The following EEPD1 variants were observed in gnomAD, a reference collection of about 807,000 sequenced individuals.
The protein encoded by EEPD1 is endonuclease/exonuclease/phosphatase family domain containing 1.
EEPD1 carries 17 observed loss-of-function variants against 46.3 expected under a neutral mutation model. The observed-to-expected ratio is 0.37, with a 90% CI of 0.25 to 0.55. The LOEUF is 0.55. EEPD1 is among the 20% of genes least tolerant of loss of function. The pLI, the probability that EEPD1 is intolerant of heterozygous loss-of-function variation, is 0.83. For synonymous variants in EEPD1, 313 were observed against 315.6 expected (o/e 0.99, Z 0.09); for missense variants, 673 against 745.6 (o/e 0.90, Z 1.13).
rs768898390 is a variant in EEPD1, at chr7:36,272,503, G to GTTTTTT, written c.931-8610_931-8609insTTTTTT. On this transcript the variant is annotated intron_variant, in intron 3 of 7. Transcript: ENST00000242108. ...TGCAAGGTTTTTCTGGTTTTTTGTT[G>GTTTTTT]TTGTTTTTTTTTTTTTTTTGTGCTC... Among the ~76,000 whole-genome samples, 117 of 122,632 alleles carry GTTTTTT rather than the reference G, an allele frequency of 9.5e-4. 1 individual carries two copies. Among genetic ancestry groups the GTTTTTT allele is most frequent in the African/African-American group, 1.8e-3 (56 of 31,766 alleles). The allele number at this position is 122,632 out of a possible 152,430, so 80.5% of individuals were successfully genotyped here. A position where few individuals can be genotyped will look rare whatever the true frequency, so the allele number is the denominator to read the frequency against.
chr7:36,290,011 A>G (rs939064490), intron 6 of EEPD1, among the ~76,000 whole-genome samples: 2 of 152,226 alleles, frequency 1.3e-5, no homozygotes, highest in Non-Finnish European at 2.9e-5. Flanking sequence ...TCCTCAGGCT[A>G]AAAACAGTCA....
chr7:36,242,833 G>A (rs972820372), intron 3 of EEPD1, among the ~76,000 whole-genome samples: 1 of 151,636 alleles, frequency 6.6e-6, no homozygotes, highest in Admixed American at 6.6e-5. Context: ...GGAGGCTGAG[G>A]CAGGAGAATC....
At chr7:36,204,108 C>T (rs1379194129) in intron 2 of EEPD1, among the ~76,000 whole-genome samples, 1 of 150,844 alleles carries the variant, frequency 6.6e-6, no homozygotes, top group Non-Finnish European at 1.5e-5. Flanking sequence ...GATCACAGTT[C>T]ACTGCAGCCT....
chr7:36,249,932 T>C (rs1430872899), intron 3 of EEPD1, among the ~76,000 whole-genome samples: 2 of 152,148 alleles, frequency 1.3e-5, no homozygotes, highest in Non-Finnish European at 2.9e-5. Flanking sequence ...CAAAAAAATA[T>C]TTAAGGCCAG....
chr7:36,232,352 C>T lies in EEPD1; in HGVS notation c.879-6633C>T, dbSNP rs1212381634. ...CCCGAGTAGCTGGGACTGCAGGCGC[C>T]CACCACCAGGCCCAGCTAATTTTTT... On this transcript the variant is annotated intron_variant, in intron 2 of 7. Transcript: ENST00000242108. Among the ~76,000 whole-genome samples the T allele has an allele frequency of 4.6e-5, 7 of 151,800 alleles. No homozygotes were observed. In the South Asian group the frequency reaches 6.3e-4, roughly 14 times the overall value.
chr7:36,291,725 G>A (rs916330687), intron 6 of EEPD1, among the ~76,000 whole-genome samples: 5 of 152,156 alleles, frequency 3.3e-5, no homozygotes, highest in South Asian at 2.1e-4. Context: ...AAGCACACCC[G>A]TGGCCAGGAA....
chr7:36,212,246 TAAGA>T (rs1229789597), intron 2 of EEPD1, among the ~76,000 whole-genome samples: 1 of 152,154 alleles, frequency 6.6e-6, no homozygotes, highest in African/African-American at 2.4e-5. Flanking sequence ...GGGACTGTGT[TAAGA>T]AAGATACATT....
At chr7:36,218,110 T>A (rs1427170999) in intron 2 of EEPD1, among the ~76,000 whole-genome samples, 5 of 152,174 alleles carry the variant, frequency 3.3e-5, no homozygotes, top group Admixed American at 3.3e-4. Context: ...ATACTCTGAT[T>A]GTTATTAAGA....
At chr7:36,294,156 C>T (rs1787488462) in intron 6 of EEPD1, among the ~76,000 whole-genome samples, 1 of 152,118 alleles carries the variant, frequency 6.6e-6, no homozygotes, top group African/African-American at 2.4e-5. Context: ...GAACAGCCTT[C>T]TCCTCCTGCC....
rs34007011 is a variant in EEPD1, at chr7:36,173,325, TAA to T, written c.878+18145_878+18146del. 1.2e-3 allele frequency among the ~76,000 whole-genome samples: 129 copies of T among 103,600 alleles called. 2 individuals are homozygous for T. Among genetic ancestry groups the T allele is most frequent in the Non-Finnish European group, 6.3e-4 (35 of 55,320 alleles). 68.0% of individuals were successfully genotyped at this position (103,600 alleles called of 152,430 possible). A position where few individuals can be genotyped will look rare whatever the true frequency, so the allele number is the denominator to read the frequency against. On this transcript the variant is annotated intron_variant, in intron 2 of 7. Coordinates refer to ENST00000242108, the MANE Select transcript of EEPD1 (RefSeq NM_030636.3). ...AACATGGTGAAAGCCCGTTTATACT[TAA>T]AAAAAAAAAAAAAAAAAAAAACTTA...
intron 3 of EEPD1, among the ~76,000 whole-genome samples, chr7:36,274,265 T>A (rs1445888969): frequency 6.6e-6 from 1 of 152,162 alleles, no homozygotes; most frequent in Non-Finnish European, 1.5e-5. Flanking sequence ...TTACATCCAG[T>A]GTGTGAGCTC....
intron 2 of EEPD1, among the ~76,000 whole-genome samples, chr7:36,201,812 T>C (rs1250374729): frequency 6.6e-6 from 1 of 152,164 alleles, no homozygotes; most frequent in Non-Finnish European, 1.5e-5. Context: ...AAATCTGAGA[T>C]GAGAAACTTT....
At chr7:36,164,431 C>T (rs1784948500) in intron 2 of EEPD1, among the ~76,000 whole-genome samples, 2 of 152,214 alleles carry the variant, frequency 1.3e-5, no homozygotes, top group Admixed American at 1.3e-4. Flanking sequence ...GTACTCATTG[C>T]ACCATGGGCA....
chr7:36,248,319 C>A (rs550126913), intron 3 of EEPD1, among the ~76,000 whole-genome samples: 2 of 151,776 alleles, frequency 1.3e-5, no homozygotes, highest in Non-Finnish European at 2.9e-5. Flanking sequence ...ATTTTACCCC[C>A]CTCAGCCTCC....
rs1787117481 is a variant in EEPD1 at position 36,272,176 on chromosome 7, C to T, written c.931-8939C>T. On this transcript the variant is annotated intron_variant, in intron 3 of 7. Coordinates refer to ENST00000242108, the MANE Select transcript of EEPD1 (RefSeq NM_030636.3). ...AGGATTACAGGCATGAACCACCACC[C>T]CCTGCCATTAATTTAAAGATAAAAA... Among the ~76,000 whole-genome samples, 3 of 143,148 alleles carry T rather than the reference C, an allele frequency of 2.1e-5. No individual in the cohort carries two copies. In the South Asian group the frequency reaches 6.9e-4, roughly 33 times the overall value. 93.9% of individuals were successfully genotyped at this position (143,148 alleles called of 152,430 possible).
chr7:36,225,665 C>T lies in EEPD1; in HGVS notation c.879-13320C>T, dbSNP rs899961784. Among the ~76,000 whole-genome samples the T allele has an allele frequency of 3.3e-5, 5 of 152,116 alleles. No individual in the cohort carries two copies. On this transcript the variant is annotated intron_variant, in intron 2 of 7. Coordinates refer to ENST00000242108, the MANE Select transcript of EEPD1 (RefSeq NM_030636.3). The surrounding 1 kb of genome is among the most constrained non-coding windows in gnomAD (Gnocchi z 4.2). Reference sequence around the variant, plus strand: ...TACAGAACCTGTCAGAAGATTAAAACATCTGGGAATTAAAAAAAAATTTGG... The same window carrying T: ...TACAGAACCTGTCAGAAGATTAAAATATCTGGGAATTAAAAAAAAATTTGG...
intron 2 of EEPD1, among the ~76,000 whole-genome samples, chr7:36,168,672 G>A (rs1229699740): frequency 1.3e-5 from 2 of 151,958 alleles, no homozygotes; most frequent in African/African-American, 4.8e-5. Context: ...GTGGGAGAAA[G>A]GCATGAACCC....
intron 4 of EEPD1, among the ~76,000 whole-genome samples, chr7:36,283,043 G>A (rs1403023153): frequency 6.6e-6 from 1 of 152,180 alleles, no homozygotes; most frequent in African/African-American, 2.4e-5. Flanking sequence ...CTTCTCCCCA[G>A]CTCCCTAGGG....
chr7:36,261,360 T>C (rs866208923), intron 3 of EEPD1, among the ~76,000 whole-genome samples: 93 of 152,318 alleles, frequency 6.1e-4, no homozygotes, highest in Admixed American at 1.3e-3. Context: ...CTAAGCACTT[T>C]TCCCTCCTGC....
Sources: allele counts gnomAD v4.1 joint callset (sites outside exome capture counted in the v4.1 genomes callset), GRCh38; gene constraint gnomAD v4.1.1; non-coding constraint Gnocchi (gnomAD v3.1); transcripts MANE v1.5; gene names NCBI Gene and HGNC (gene_info 2026-07-23, HGNC 2026-07-21).